The following CASKIN2 variants were observed in gnomAD, a reference collection of about 807,000 sequenced individuals.
The protein encoded by CASKIN2 is caskin-2.
CASKIN2 carries 41 observed loss-of-function variants against 107.1 expected under a neutral mutation model. The ratio of observed to expected loss-of-function variants is 0.38; its 90% CI spans 0.30 to 0.50. The LOEUF (loss-of-function observed/expected upper bound fraction) is 0.50, where lower values mean the gene tolerates loss of function less well. Ranked by LOEUF, CASKIN2 falls within the 20% of genes least tolerant of loss-of-function variation. The probability of loss-of-function intolerance (pLI) is 0.92; values close to 1 mark genes in which losing one functional copy is unlikely to be tolerated. For synonymous variants in CASKIN2, 724 were observed against 705.6 expected, an observed-to-expected ratio of 1.03 and a Z score of -0.41; for missense variants, 1,546 against 1,657.4, an observed-to-expected ratio of 0.93 and a Z score of 1.17.
In CASKIN2 at chr17:75,501,599, A is replaced by G. The variant is rs749931733; in HGVS notation, c.3387T>C (p.Pro1129=). Residue 1129 remains proline (P), a synonymous_variant, in exon 19 of 20, where the codon CCT becomes CCC. Transcript: ENST00000321617. ...LAPRLGPRPV[P]PPRPESTGTV... is the part of the protein sequence containing the mutation. The stretch of plus-strand genomic sequence containing the variant: ...TCCCAGTGCTCTCAGGCCGTGGAGG[A>G]GGCACTGGGCGGGGGCCGAGCCGGG... 3 of 1,607,060 alleles carry G rather than the reference A, an allele frequency of 1.9e-6. No homozygotes were observed. The Admixed American group carries it at 5.0e-5, about 27-fold the overall frequency.
rs950555610 is a variant in CASKIN2, at chr17:75,505,900, C to T, written c.756G>A (p.Thr252=). ...EGGVDVNIRN[T]YNQTALDIVN... Reference sequence around the variant, plus strand: ...CTATGTCCAGCGCCGTCTGGTTATACGTATTCCGGATGTTCACGTCCACAC... The same window carrying T: ...CTATGTCCAGCGCCGTCTGGTTATATGTATTCCGGATGTTCACGTCCACAC... The change falls in exon 9 of 20, where the codon ACG becomes ACA. Residue 252 remains threonine (T), a synonymous_variant. Coordinates refer to ENST00000321617, the MANE Select transcript of CASKIN2 (RefSeq NM_020753.5). This position sits in a 1 kb window ranked among gnomAD's most constrained non-coding sequence, Gnocchi z 5.1. 8.1e-6 allele frequency: 13 copies of T among 1,613,586 alleles called. No individual in the cohort carries two copies. Among genetic ancestry groups the T allele is most frequent in the Admixed American group, 1.7e-5 (1 of 60,004 alleles).
At position 75,502,023 on chromosome 17, in the gene CASKIN2, G is replaced by A; in HGVS notation, c.3051C>T (p.Gly1017=). The change falls in exon 18 of 20, where the codon GGC becomes GGT. Residue 1017 remains glycine, a synonymous_variant. Coordinates refer to ENST00000321617, the MANE Select transcript of CASKIN2 (RefSeq NM_020753.5). The surrounding 1 kb of genome is among the most constrained non-coding windows in gnomAD (Gnocchi z 4.3). ...TTGGGGAAGGCAGTGGGGCAGCGGG[G>A]CCAGGCGTGGCACTGGCCACTCCGA... The part of the protein sequence containing the change: ...LAFGVASATP[G]PAAPLPSPTP... The A allele has an allele frequency of 1.2e-6, 2 of 1,612,604 alleles. No homozygotes were observed. The highest frequency in any genetic ancestry group is 8.5e-7 in the Non-Finnish European group (1 of 1,179,838).
chr17:75,513,075 T>C (rs1475344992), intron 2 of CASKIN2, among the ~76,000 whole-genome samples: 1 of 152,182 alleles, frequency 6.6e-6, no homozygotes, highest in South Asian at 2.1e-4. Flanking sequence ...AAAGACCATC[T>C]GCTAGAAGGC....
intron 2 of CASKIN2, 42 bp from the exon 3 acceptor site, chr17:75,508,327 G>A: frequency 6.2e-7 from 1 of 1,600,716 alleles, no homozygotes; most frequent in Non-Finnish European, 8.5e-7. Context: ...TCAGATGACT[G>A]CCCTCACTCA....
At position 75,502,429 on chromosome 17, in the gene CASKIN2, G is replaced by A. The variant is rs188157520; in HGVS notation, c.2645C>T (p.Pro882Leu). The change falls in exon 18 of 20, where the codon CCC becomes CTC. Residue 882 changes from proline to leucine, a missense_variant. Physicochemically the swap from Pro to Leu is moderately conservative, Grantham distance 98. This residue lies in a region of CASKIN2 where 1,311 missense variants were observed against 1,311.0 expected (regional missense o/e 1.00). Transcript: ENST00000321617. This position sits in a 1 kb window ranked among gnomAD's most constrained non-coding sequence, Gnocchi z 4.3. ...ATCTAGTGGAGGTGGCTCCGGGCTG[G>A]GGCCAGAGACGGAGCTGAGGCGCTT... Reference protein sequence around the residue: ...PPKRLSSVSGPSPEPPPLDES... With the variant: ...PPKRLSSVSGLSPEPPPLDES... 1,148 of 1,452,794 alleles carry A rather than the reference G, an allele frequency of 7.9e-4. 6 individuals are homozygous for A. In the East Asian group the frequency reaches 0.011, roughly 15 times the overall value. 90.0% of individuals were successfully genotyped at this position (1,452,794 alleles called of 1,614,324 possible). A position where few individuals can be genotyped will look rare whatever the true frequency, so the allele number is the denominator to read the frequency against.
Position 75,502,533 on chromosome 17 carries a change from T to C in CASKIN2, c.2541A>G (p.Pro847=). 2 of 1,503,560 alleles carry C rather than the reference T, an allele frequency of 1.3e-6. No individual in the cohort carries two copies. The highest frequency in any genetic ancestry group is 1.8e-6 in the Non-Finnish European group (2 of 1,120,648). The allele number at this position is 1,503,560 out of a possible 1,614,324, so 93.1% of individuals were successfully genotyped here. The change falls in exon 18 of 20, where the codon CCA becomes CCG. Residue 847 remains proline, a synonymous_variant. Transcript: ENST00000321617. This position sits in a 1 kb window ranked among gnomAD's most constrained non-coding sequence, Gnocchi z 4.3. ...TGCGAGGAGTCCCCCGAGCTGGGGT[T>C]GGGGTCACACTAGGACTGGTCCGGA... ...ALVRTSPSVT[P]TPARGTPRSQ... is the part of the protein sequence containing the mutation.
At chr17:75,503,362 C>G (rs371811975) in intron 17 of CASKIN2, 27 bp downstream of exon 17, 1 of 1,600,546 alleles carries the variant, frequency 6.2e-7, no homozygotes, top group Non-Finnish European at 8.5e-7. Context: ...AGGTGGGGGC[C>G]CAGCCAGGCC....
chr17:75,508,126 G>T, intron 3 of CASKIN2, 108 bp downstream of exon 3: 1 of 1,250,054 alleles, frequency 8.0e-7, no homozygotes, highest in Non-Finnish European at 1.1e-6. Context: ...GGCCAAGTCT[G>T]AGAGGGAAAG....
At position 75,505,599 on chromosome 17, in the gene CASKIN2, G is replaced by C; in HGVS notation, c.888C>G (p.His296Gln). Reference protein sequence around the residue: ...VRALKDFWNLHDPTALNVRAG... With the variant: ...VRALKDFWNLQDPTALNVRAG... ...CCCGGACATTGAGAGCAGTGGGATC[G>C]TGGAGGTTCCAGAAATCCTTGAGCG... Residue 296 changes from histidine to glutamine, a missense_variant, in exon 10 of 20, where the codon CAC becomes CAG. Around this residue, in one of 6 missense-constraint regions of CASKIN2, gnomAD observed 1,311 missense variants for 1,311.0 expected, o/e 1.00. Transcript: ENST00000321617. The surrounding 1 kb of genome is among the most constrained non-coding windows in gnomAD (Gnocchi z 5.1). The C allele has an allele frequency of 6.2e-7, 1 of 1,613,602 alleles. No individual in the cohort carries two copies.
Position 75,506,182 on chromosome 17 carries a change from C to A in CASKIN2, c.726+123G>T. 1 of 862,082 alleles carries A rather than the reference C, an allele frequency of 1.2e-6. No individual in the cohort carries two copies. The highest frequency in any genetic ancestry group is 1.8e-6 in the Non-Finnish European group (1 of 559,280). The allele number at this position is 862,082 out of a possible 1,614,324, so 53.4% of individuals were successfully genotyped here. On this transcript the variant is annotated intron_variant, in intron 8 of 19. Transcript: ENST00000321617. The surrounding 1 kb of genome is among the most constrained non-coding windows in gnomAD (Gnocchi z 4.8). ...GGCACCATTCAGAAGGAAGTCAGGCCTCTTTCCTGACGCCCATGCAAAAAC... is the reference window on the plus strand; with the variant it reads ...GGCACCATTCAGAAGGAAGTCAGGCATCTTTCCTGACGCCCATGCAAAAAC...
At position 75,502,212 on chromosome 17, in the gene CASKIN2, C is replaced by A; in HGVS notation, c.2862G>T (p.Glu954Asp). 1 of 1,594,266 alleles carries A rather than the reference C, an allele frequency of 6.3e-7. No homozygotes were observed. The change falls in exon 18 of 20, where the codon GAG (glutamate) becomes GAT (aspartate). Residue 954 changes from glutamate to aspartate, a missense_variant. Physicochemically the swap from Glu to Asp is conservative, Grantham distance 45 (BLOSUM62 2). Coordinates refer to ENST00000321617, the MANE Select transcript of CASKIN2 (RefSeq NM_020753.5). This position sits in a 1 kb window ranked among gnomAD's most constrained non-coding sequence, Gnocchi z 4.3. ...GSSGEGLPFAEEGNLTIKQRP... is the reference protein window; with the variant it reads ...GSSGEGLPFADEGNLTIKQRP... ...GCTGTTTGATGGTCAGGTTCCCTTC[C>A]TCTGCAAACGGCAGCCCTTCCCCAG...
rs781300744 is a variant in CASKIN2 at position 75,502,897 on chromosome 17, G to T, written c.2177C>A (p.Pro726His). The T allele has an allele frequency of 1.0e-5, 16 of 1,546,506 alleles. No individual in the cohort carries two copies. The highest frequency in any genetic ancestry group is 3.8e-5 in the Admixed American group (2 of 52,384). Residue 726 changes from proline to histidine, a missense_variant, in exon 18 of 20, where the codon CCC (proline) becomes CAC (histidine). Coordinates refer to ENST00000321617, the MANE Select transcript of CASKIN2 (RefSeq NM_020753.5). The surrounding 1 kb of genome is among the most constrained non-coding windows in gnomAD (Gnocchi z 4.3). ...APQPSGGDPS[P>H]PQERNLPEGT... The stretch of plus-strand genomic sequence containing the variant: ...CTCTGGGAGGTTCCTCTCCTGGGGG[G>T]GGCTGGGATCTCCACCGCTGGGCTG...
At position 75,504,240 on chromosome 17, in the gene CASKIN2, C is replaced by T. The variant is rs529550656; in HGVS notation, c.1442G>A (p.Arg481Gln). Residue 481 changes from arginine to glutamine, a missense_variant, in exon 14 of 20, where the codon CGG becomes CAG. Coordinates refer to ENST00000321617, the MANE Select transcript of CASKIN2 (RefSeq NM_020753.5). ...SGEQIFTQDV[R>Q]PEQLLEGKDA... ...CTTCCCCTCCAGCAGCTGTTCTGGCCGCACGTCCTGGGTGAAGATCTGCTC... is the reference window on the plus strand; with the variant it reads ...CTTCCCCTCCAGCAGCTGTTCTGGCTGCACGTCCTGGGTGAAGATCTGCTC... 7 of 1,598,426 alleles carry T rather than the reference C, an allele frequency of 4.4e-6. No homozygotes were observed. Among genetic ancestry groups the T allele is most frequent in the African/African-American group, 1.3e-5 (1 of 74,660 alleles).
rs368635806 is a variant in CASKIN2, at chr17:75,505,642, C to T, written c.845G>A (p.Gly282Glu). 28 of 1,612,978 alleles carry T rather than the reference C, an allele frequency of 1.7e-5. No homozygotes were observed. The South Asian group carries it at 2.1e-4, about 12-fold the overall frequency. Reference sequence around the variant, plus strand: ...CTTGAGCGCTCGGACCTTCAGGATCCCTGAGGCCTCTAAGAAAACGGGGTG... The same window carrying T: ...CTTGAGCGCTCGGACCTTCAGGATCTCTGAGGCCTCTAAGAAAACGGGGTG... ...EIKQLLREAS[G>E]ILKVRALKDF... Residue 282 changes from glycine to glutamate, a missense_variant, in exon 10 of 20, where the codon GGG becomes GAG. Physicochemically the swap from Gly to Glu is moderately conservative, Grantham distance 98. Coordinates refer to ENST00000321617, the MANE Select transcript of CASKIN2 (RefSeq NM_020753.5). The surrounding 1 kb of genome is among the most constrained non-coding windows in gnomAD (Gnocchi z 5.1).
rs145462066 is a variant in CASKIN2, at chr17:75,501,503, G to A, written c.3483C>T (p.Ala1161=). The change falls in exon 19 of 20, where the codon GCC becomes GCT. Residue 1161 remains alanine, a synonymous_variant. Coordinates refer to ENST00000321617, the MANE Select transcript of CASKIN2 (RefSeq NM_020753.5). ...CCTTGGTGCCAATGCTCTTCTCTGC[G>A]GCTCTCAGTGCAGCTGCCAGGGACG... ...TSSSLAAALR[A]AEKSIGTKEQ... 8.1e-6 allele frequency: 13 copies of A among 1,612,020 alleles called. No individual in the cohort carries two copies. The African/African-American group carries it at 9.3e-5, about 12-fold the overall frequency.
intron 14 of CASKIN2, 66 bp from the exon 15 acceptor site, chr17:75,504,028 G>T: frequency 6.9e-7 from 1 of 1,441,092 alleles, no homozygotes; most frequent in Non-Finnish European, 9.6e-7. Context: ...CCCACCAGGG[G>T]CTCAGGACCT....
chr17:75,510,771 T>C (rs2146996771), intron 2 of CASKIN2, among the ~76,000 whole-genome samples: 1 of 114,368 alleles, frequency 8.7e-6, no homozygotes, highest in East Asian at 2.4e-4. Flanking sequence ...CTTAATTTTT[T>C]TGTAGAGATG....
In CASKIN2 at chr17:75,500,423, G is replaced by A. The variant is rs1421711031; in HGVS notation, c.*657C>T. The A allele has an allele frequency of 6.5e-6, 1 of 152,734 alleles. No homozygotes were observed. The highest frequency in any genetic ancestry group is 1.5e-5 in the Non-Finnish European group (1 of 68,436). The allele number at this position is 152,734 out of a possible 1,614,324, so 9.5% of individuals were successfully genotyped here. On this transcript the variant is annotated 3_prime_UTR_variant, in exon 20 of 20. Coordinates refer to ENST00000321617, the MANE Select transcript of CASKIN2 (RefSeq NM_020753.5). ...CTCCCCCATTGTGTCCTCTCAGGCA[G>A]TTGATAGAATAAATTCCATTTAAAA...
intron 19 of CASKIN2, 46 bp from the exon 20 acceptor site, chr17:75,501,216 C>G (rs934904102): frequency 6.7e-7 from 1 of 1,481,980 alleles, no homozygotes; most frequent in South Asian, 1.2e-5. Flanking sequence ...GTGGCCTGCA[C>G]CCCACTGGCC....
Sources: allele counts gnomAD v4.1 joint callset (sites outside exome capture counted in the v4.1 genomes callset), GRCh38; gene constraint gnomAD v4.1.1; regional missense constraint gnomAD v4.1.1; non-coding constraint Gnocchi (gnomAD v3.1); transcripts MANE v1.5; gene names NCBI Gene and HGNC (gene_info 2026-07-23, HGNC 2026-07-21).